LENG8: variants seen among roughly 807,000 people sequenced by gnomAD.
The protein encoded by LENG8 is leukocyte receptor cluster (LRC) member 8.
In LENG8, 28 loss-of-function variants were observed where a neutral mutation model predicts 102.1. The ratio of observed to expected loss-of-function variants is 0.27; its 90% CI spans 0.20 to 0.38. The LOEUF is 0.38. LENG8 is among the 10% of genes least tolerant of loss of function. The pLI, the probability that LENG8 is intolerant of heterozygous loss-of-function variation, is 1.00. For missense variants in LENG8, 1,022 were observed against 1,113.9 expected, an observed-to-expected ratio of 0.92 and a Z score of 1.17; for synonymous variants, 531 against 456.7, an observed-to-expected ratio of 1.16 and a Z score of -2.07.
rs1408132871 is a variant in LENG8, at chr19:54,461,723, C to T, written c.*795C>T. 4.0e-6 allele frequency: 2 copies of T among 502,516 alleles called. No individual in the cohort carries two copies. The highest frequency in any genetic ancestry group is 8.0e-6 in the Non-Finnish European group (2 of 248,632). 31.1% of individuals were successfully genotyped at this position (502,516 alleles called of 1,614,324 possible). A position where few individuals can be genotyped will look rare whatever the true frequency, so the allele number is the denominator to read the frequency against. On this transcript the variant is annotated 3_prime_UTR_variant, in exon 16 of 16. Transcript: ENST00000326764. ...TCCCTGCCTTCATGGATCACCAGCT[C>T]ACGTCATGTTGCCTTCTCTTTTCTT... is the stretch of plus-strand genomic sequence containing the variant.
At chr19:54,452,899 C>T in intron 4 of LENG8, 147 bp downstream of exon 4, 1 of 645,140 alleles carries the variant, frequency 1.6e-6, no homozygotes, top group Non-Finnish European at 2.8e-6. Context: ...CTAACTTGCC[C>T]AGGAGGTAAA....
chr19:54,460,719 G>GGGGCCAC, intron 15 of LENG8, 47 bp from the exon 16 acceptor site: 1 of 778,920 alleles, frequency 1.3e-6, no homozygotes. Context: ...GCCCTCCCCT[G>GGGGCCAC]CCCTCCCGCC....
At chr19:54,454,802 G>A in intron 6 of LENG8, 120 bp downstream of exon 6, 1 of 1,423,616 alleles carries the variant, frequency 7.0e-7, no homozygotes. Flanking sequence ...CAGGCTGGGG[G>A]TGGGGCTGCT....
At position 54,457,810 on chromosome 19, in the gene LENG8, G is replaced by C. The variant is rs1201817444; in HGVS notation, c.1795G>C (p.Ala599Pro). The C allele has an allele frequency of 6.2e-7, 1 of 1,614,188 alleles. No individual in the cohort carries two copies. The highest frequency in any genetic ancestry group is 1.7e-5 in the Admixed American group (1 of 60,032). Residue 599 changes from alanine to proline, a missense_variant, in exon 12 of 16, where the codon GCC becomes CCC. Transcript: ENST00000326764. ...GAAAGAGAAGCAGGACTACGCGTTT[G>C]CCTGCGAGCAGATGAAGTCGATCCG... The part of the protein sequence containing the change: ...HWKEKQDYAF[A>P]CEQMKSIRQD...
intron 2 of LENG8, 111 bp from the exon 3 acceptor site, chr19:54,451,982 C>G (rs2083982418): frequency 2.1e-6 from 2 of 970,886 alleles, no homozygotes; most frequent in African/African-American, 1.6e-5. Flanking sequence ...TAGGCTTAGA[C>G]TGGTAGTAAC....
chr19:54,454,803 T>G (rs2084137956), intron 6 of LENG8, 121 bp downstream of exon 6: 1 of 1,422,946 alleles, frequency 7.0e-7, no homozygotes, highest in Admixed American at 2.2e-5. Flanking sequence ...AGGCTGGGGG[T>G]GGGGCTGCTC....
rs748684857 is a variant in LENG8 at position 54,454,651 on chromosome 19, G to A, written c.648G>A (p.Lys216=). 5.0e-5 allele frequency: 80 copies of A among 1,605,480 alleles called. No individual in the cohort carries two copies. Among genetic ancestry groups the A allele is most frequent in the Middle Eastern group, 3.3e-4 (2 of 6,076 alleles). The change falls in exon 6 of 16, where the codon AAG becomes AAA. Residue 216 remains lysine, a synonymous_variant. Transcript: ENST00000326764. ...PHTYTEPAKP[K]KGQQLWNRMK... is the part of the protein sequence containing the mutation. Reference sequence around the variant, plus strand: ...CCTACACCGAACCTGCCAAGCCCAAGAAGGGCCAACAGCTGTGGAACCGCA... The same window carrying A: ...CCTACACCGAACCTGCCAAGCCCAAAAAGGGCCAACAGCTGTGGAACCGCA...
chr19:54,452,206 A>G lies in LENG8; in HGVS notation c.152A>G (p.Lys51Arg). The change falls in exon 3 of 16, where the codon AAG (lysine) becomes AGG (arginine). Residue 51 changes from lysine to arginine, a missense_variant. This residue lies in a region of LENG8 where 343 missense variants were observed against 320.2 expected (regional missense o/e 1.07). Coordinates refer to ENST00000326764, the MANE Select transcript of LENG8 (RefSeq NM_052925.4). ...KARQALASIS[K>R]SGAAGGSAKS... Reference sequence around the variant, plus strand: ...CGTCAGGCCCTGGCCAGCATCAGCAAGTCAGGAGCTGCCGGCGGCTCTGCC... The same window carrying G: ...CGTCAGGCCCTGGCCAGCATCAGCAGGTCAGGAGCTGCCGGCGGCTCTGCC... The G allele has an allele frequency of 1.2e-6, 2 of 1,614,026 alleles. No individual in the cohort carries two copies. The highest frequency in any genetic ancestry group is 1.7e-6 in the Non-Finnish European group (2 of 1,179,972).
intron 4 of LENG8, 73 bp downstream of exon 4, chr19:54,452,825 C>T: frequency 9.3e-7 from 1 of 1,074,382 alleles, no homozygotes; most frequent in South Asian, 1.3e-5. Flanking sequence ...GAAGTGGAGT[C>T]TGCCGGGATG....
chr19:54,460,035 G>A (rs530064933), intron 15 of LENG8: 23 of 1,284,268 alleles, frequency 1.8e-5, no homozygotes, highest in Middle Eastern at 2.2e-4. Flanking sequence ...ACCTCATTGT[G>A]TCAGCACCTT....
At position 54,452,223 on chromosome 19, in the gene LENG8, G is replaced by A. The variant is rs758737426; in HGVS notation, c.169G>A (p.Gly57Ser). The change falls in exon 3 of 16, where the codon GGC becomes AGC. Residue 57 changes from glycine to serine, a missense_variant. Around this residue, in one of 7 missense-constraint regions of LENG8, gnomAD observed 343 missense variants for 320.2 expected, o/e 1.07. Transcript: ENST00000326764. ...CATCAGCAAGTCAGGAGCTGCCGGCGGCTCTGCCAAGTCCAGCAGCAATGG... is the reference window on the plus strand; with the variant it reads ...CATCAGCAAGTCAGGAGCTGCCGGCAGCTCTGCCAAGTCCAGCAGCAATGG... ...ASISKSGAAG[G>S]SAKSSSNGPV... 1.8e-5 allele frequency: 29 copies of A among 1,613,718 alleles called. No homozygotes were observed. The highest frequency in any genetic ancestry group is 1.5e-4 in the South Asian group (14 of 91,076).
rs966379246 is a variant in LENG8 at position 54,461,912 on chromosome 19, T to C, written c.*984T>C. The C allele has an allele frequency of 1.3e-6, 1 of 784,256 alleles. No individual in the cohort carries two copies. Among genetic ancestry groups the C allele is most frequent in the Non-Finnish European group, 2.2e-6 (1 of 451,218 alleles). The allele number at this position is 784,256 out of a possible 1,614,324, so 48.6% of individuals were successfully genotyped here. On this transcript the variant is annotated 3_prime_UTR_variant, in exon 16 of 16. Coordinates refer to ENST00000326764, the MANE Select transcript of LENG8 (RefSeq NM_052925.4). ...CCAGATGTTCCTCCTCTGCCTCCCC[T>C]TCCCCTCCTCTCCCCTCCTTTTCCT...
In LENG8 at chr19:54,458,083, T is replaced by G; in HGVS notation, c.1903-20T>G. 1.2e-6 allele frequency: 2 copies of G among 1,612,216 alleles called. No homozygotes were observed. The highest frequency in any genetic ancestry group is 1.7e-6 in the Non-Finnish European group (2 of 1,179,946). On this transcript the variant is annotated intron_variant, in intron 13 of 15. Transcript: ENST00000326764. ...AGCACCCTCACTCTGCTCTCCTCCC[T>G]CGGTGCCTCTGCCTTCCAGGGTGAC...
In LENG8 at chr19:54,457,385, A is replaced by G. The variant is rs571588617; in HGVS notation, c.1732-362A>G. On this transcript the variant is annotated intron_variant, in intron 11 of 15. Coordinates refer to ENST00000326764, the MANE Select transcript of LENG8 (RefSeq NM_052925.4). ...GGAGAGAGTCTGGCTCTGTCGCCCA[A>G]GCTGGAGTGCAATGGCGTGATCTTG... Among the ~76,000 whole-genome samples, 381 of 152,264 alleles carry G rather than the reference A, an allele frequency of 2.5e-3. 2 individuals carry two copies. Among genetic ancestry groups the G allele is most frequent in the African/African-American group, 8.8e-3 (366 of 41,544 alleles).
chr19:54,457,219 C>T (rs185130195), intron 11 of LENG8, among the ~76,000 whole-genome samples: 1 of 152,304 alleles, frequency 6.6e-6, no homozygotes, highest in East Asian at 1.9e-4. Context: ...GGCTGTGGGG[C>T]GTGGGGGGCT....
intron 15 of LENG8, 47 bp from the exon 16 acceptor site, chr19:54,460,719 G>GGGGGC: frequency 5.1e-6 from 4 of 778,870 alleles, no homozygotes; most frequent in Non-Finnish European, 5.4e-6. Context: ...GCCCTCCCCT[G>GGGGGC]CCCTCCCGCC....
chr19:54,459,271 A>G (rs758469404), intron 15 of LENG8: 177 of 1,029,250 alleles, frequency 1.7e-4, no homozygotes, highest in Non-Finnish European at 2.0e-4. Flanking sequence ...ATTGGGCCTC[A>G]GAGCTCAGTC....
Position 54,458,244 on chromosome 19 carries a change from T to C in LENG8, c.2032+12T>C. The stretch of plus-strand genomic sequence containing the variant: ...CAAGAACTCGGGAGGTGAGGCCCAG[T>C]CCCCAGGACAGAGGCCATGGTACCC... On this transcript the variant is annotated intron_variant, in intron 14 of 15. Coordinates refer to ENST00000326764, the MANE Select transcript of LENG8 (RefSeq NM_052925.4). 6.2e-7 allele frequency: 1 copy of C among 1,614,156 alleles called. No homozygotes were observed. The highest frequency in any genetic ancestry group is 8.5e-7 in the Non-Finnish European group (1 of 1,180,000).
chr19:54,454,505 C>T lies in LENG8; in HGVS notation c.502C>T (p.Gln168Ter). The change falls in exon 6 of 16, where the codon CAG becomes TAG. Residue 168 changes from glutamine to a stop codon, truncating the protein, a stop_gained. Coordinates refer to ENST00000326764, the MANE Select transcript of LENG8 (RefSeq NM_052925.4). LOFTEE classifies it high-confidence loss of function. Reference sequence around the variant, plus strand: ...GCAGCTGCCGTCGGCTCAGCCCCCTCAGCCCTCAAATCCCCCACATGGGGC... The same window carrying T: ...GCAGCTGCCGTCGGCTCAGCCCCCTTAGCCCTCAAATCCCCCACATGGGGC... ...PQQLPSAQPP[Q>*]PSNPPHGAHT... 1 of 1,613,864 alleles carries T rather than the reference C, an allele frequency of 6.2e-7. No individual in the cohort carries two copies. Among genetic ancestry groups the T allele is most frequent in the Non-Finnish European group, 8.5e-7 (1 of 1,179,830 alleles).
Sources: allele counts gnomAD v4.1 joint callset (sites outside exome capture counted in the v4.1 genomes callset), GRCh38; gene constraint gnomAD v4.1.1; regional missense constraint gnomAD v4.1.1; transcripts MANE v1.5; gene names NCBI Gene and HGNC (gene_info 2026-07-23, HGNC 2026-07-21).